Variants in PBRM1 observed in about 807,000 individuals in gnomAD.
PBRM1 encodes the protein protein polybromo-1.
PBRM1 carries 27 observed loss-of-function variants against 194.5 expected under a neutral mutation model. That is an observed-to-expected ratio of 0.14 (90% confidence interval 0.10 to 0.19). The LOEUF (loss-of-function observed/expected upper bound fraction) is 0.19, where lower values mean the gene tolerates loss of function less well. Among genes scored for constraint, PBRM1 ranks in the 10% least tolerant of loss-of-function variants. The pLI is 1.00. For missense variants in PBRM1, 1,466 were observed against 2,077.2 expected (o/e 0.71, Z 5.72); for synonymous variants, 655 against 693.2 (o/e 0.94, Z 0.87).
intron 22 of PBRM1, among the ~76,000 whole-genome samples, chr3:52,568,691 C>T (rs2086106323): frequency 6.6e-6 from 1 of 152,120 alleles, no homozygotes; most frequent in South Asian, 2.1e-4. Context: ...TTTCCAAACA[C>T]CATTTGGAGA....
At chr3:52,588,552 CTTTT>C (rs36058575) in intron 18 of PBRM1, among the ~76,000 whole-genome samples, 13 of 110,140 alleles carry the variant, frequency 1.2e-4, no homozygotes, top group Admixed American at 2.1e-4. Flanking sequence ...GTATTTCTTT[CTTTT>C]TTTTTTTTTT....
chr3:52,621,816 C>T (rs2153533589), intron 13 of PBRM1, among the ~76,000 whole-genome samples: 1 of 152,230 alleles, frequency 6.6e-6, no homozygotes, highest in African/African-American at 2.4e-5. Flanking sequence ...CTTTGGGAGG[C>T]TGAAGTGGGA....
At chr3:52,637,176 T>G (rs976437263) in intron 10 of PBRM1, among the ~76,000 whole-genome samples, 3 of 152,170 alleles carry the variant, frequency 2.0e-5, no homozygotes, top group African/African-American at 7.2e-5. Context: ...GTAAGCGGCA[T>G]CTTTTAAAAA....
chr3:52,617,451 A>G, exon 14 of PBRM1: 2 of 1,613,650 alleles, frequency 1.2e-6, no homozygotes, highest in Non-Finnish European at 1.7e-6. Flanking sequence ...TAAATAGGTC[A>G]CAAAGTCTTC....
At chr3:52,680,814 T>C (rs1370480472), upstream of PBRM1, among the ~76,000 whole-genome samples, 1 of 152,010 alleles carries the variant, frequency 6.6e-6, no homozygotes, top group East Asian at 1.9e-4. Flanking sequence ...GCGTGTGCCA[T>C]CACACCCAGC....
At chr3:52,596,280 A>G (rs771324342) in intron 17 of PBRM1, among the ~76,000 whole-genome samples, 37 of 151,726 alleles carry the variant, frequency 2.4e-4, no homozygotes, top group Admixed American at 5.3e-4. Context: ...TCTACTAAAA[A>G]TATAAAAATT....
At chr3:52,560,464 TA>T (rs937753844) in intron 25 of PBRM1, 2 of 152,222 alleles carry the variant, frequency 1.3e-5, no homozygotes, top group African/African-American at 4.8e-5. Flanking sequence ...TTCTTTAGGG[TA>T]TTCATAGGTA....
chr3:52,666,559 G>A lies in PBRM1; in HGVS notation c.384+1939C>T, dbSNP rs573618366. 5.3e-5 allele frequency among the ~76,000 whole-genome samples: 8 copies of A among 150,524 alleles called. No individual in the cohort carries two copies. The South Asian group carries it at 1.7e-3, about 32-fold the overall frequency. ...TCAAAAAAAAAAAAGAAATGGCAAA[G>A]GGTCAAGTATAATTAACCTACTTTC... On this transcript the variant is annotated intron_variant, in intron 3 of 29. Coordinates refer to ENST00000296302, the Ensembl canonical transcript of PBRM1.
At position 52,561,956 on chromosome 3, in the gene PBRM1, A is replaced by T. The variant is rs776411864; in HGVS notation, c.4099T>A (p.Ser1367Thr). The change falls in exon 25 of 30, where the codon TCT (serine) becomes ACT (threonine). Residue 1367 changes from serine to threonine, a missense_variant. This residue lies in a region of PBRM1 where 687 missense variants were observed against 946.2 expected (regional missense o/e 0.73). Coordinates refer to ENST00000296302, the Ensembl canonical transcript of PBRM1. ...TCCTTCTTTGCACTGCCTTTGGCAG[A>T]CTTTGGGGTAGACTGTAAGACAGAA... 4 of 1,613,558 alleles carry T rather than the reference A, an allele frequency of 2.5e-6. No individual in the cohort carries two copies. In the Admixed American group the frequency reaches 6.7e-5, roughly 27 times the overall value.
chr3:52,580,617 C>T (rs2090916247), intron 20 of PBRM1, among the ~76,000 whole-genome samples: 1 of 152,164 alleles, frequency 6.6e-6, no homozygotes, highest in South Asian at 2.1e-4. Context: ...CCGCCTTGGC[C>T]TCCCAAAGTG....
At chr3:52,546,998 G>A (rs1332425904), downstream of PBRM1, 1 of 233,062 alleles carries the variant, frequency 4.3e-6, no homozygotes, top group Non-Finnish European at 8.5e-6. Context: ...TGTATATGAA[G>A]GCAATCAATC....
At chr3:52,663,200 T>C (rs530579111) in intron 3 of PBRM1, among the ~76,000 whole-genome samples, 3 of 152,300 alleles carry the variant, frequency 2.0e-5, no homozygotes, top group South Asian at 4.1e-4. Context: ...AATGTTCACT[T>C]TGAGGGCATT....
intron 5 of PBRM1, among the ~76,000 whole-genome samples, chr3:52,657,426 T>C (rs1577786284): frequency 6.6e-6 from 1 of 152,222 alleles, no homozygotes; most frequent in African/African-American, 2.4e-5. Flanking sequence ...ATACATTTTG[T>C]GCTGCTGTGA....
chr3:52,637,771 T>TACAAAAAAAAAAAAAAAA (rs2095876154), intron 10 of PBRM1, among the ~76,000 whole-genome samples: 2 of 20,988 alleles, frequency 9.5e-5, no homozygotes, highest in Non-Finnish European at 2.0e-4. Context: ...CTACTAAAAA[T>TACAAAAAAAAAAAAAAAA]ACAAAAAAAA....
intron 22 of PBRM1, among the ~76,000 whole-genome samples, chr3:52,569,140 G>A (rs1373551582): frequency 1.3e-5 from 2 of 152,014 alleles, no homozygotes; most frequent in African/African-American, 4.8e-5. Flanking sequence ...CACCCACCTC[G>A]GCCTCCCAAA....
chr3:52,561,672 C>A (rs2083571201), intron 25 of PBRM1, 95 bp downstream of exon 27: 3 of 1,058,298 alleles, frequency 2.8e-6, no homozygotes, highest in East Asian at 4.7e-5. Flanking sequence ...AGTTCATGTG[C>A]AAGTGGTAAG....
chr3:52,589,200 G>T (rs1335775552), exon 18 of PBRM1: 1 of 1,597,256 alleles, frequency 6.3e-7, no homozygotes, highest in Middle Eastern at 1.7e-4. Context: ...GGCTGTATGT[G>T]CGATGTAAGC....
chr3:52,668,058 G>A (rs1302603238), intron 3 of PBRM1, among the ~76,000 whole-genome samples: 1 of 152,222 alleles, frequency 6.6e-6, no homozygotes, highest in Admixed American at 6.5e-5. Context: ...CACTTTGGGA[G>A]GCCAAGGCAG....
At chr3:52,607,424 A>C (rs1238866834) in intron 16 of PBRM1, among the ~76,000 whole-genome samples, 3 of 152,218 alleles carry the variant, frequency 2.0e-5, no homozygotes, top group Non-Finnish European at 2.9e-5. Context: ...AGCAAAAAAC[A>C]ACCATGTCAA....
Sources: allele counts gnomAD v4.1 joint callset (sites outside exome capture counted in the v4.1 genomes callset), GRCh38; gene constraint gnomAD v4.1.1; regional missense constraint gnomAD v4.1.1; transcripts MANE v1.5; gene names NCBI Gene and HGNC (gene_info 2026-07-23, HGNC 2026-07-21).